The following MAN1A2 variants were observed in gnomAD, a reference collection of about 807,000 sequenced individuals.
MAN1A2 encodes mannosidase alpha class 1A member 2, also known as mannosyl-oligosaccharide 1,2-alpha-mannosidase IB.
In MAN1A2, 26 loss-of-function variants were observed where a neutral mutation model predicts 75.7. The observed-to-expected ratio is 0.34, with a 90% CI of 0.25 to 0.48. MAN1A2 has a LOEUF of 0.48. Among genes scored for constraint, MAN1A2 ranks in the 20% least tolerant of loss-of-function variants. The pLI, the probability that MAN1A2 is intolerant of heterozygous loss-of-function variation, is 0.99. For synonymous variants in MAN1A2, 247 were observed against 264.6 expected (o/e 0.93, Z 0.65); for missense variants, 562 against 775.5 (o/e 0.72, Z 3.27).
In MAN1A2 at chr1:117,368,383, A is replaced by G. The variant is rs1284743038; in HGVS notation, c.200A>G (p.Asp67Gly). The G allele has an allele frequency of 6.2e-7, 1 of 1,613,928 alleles. No individual in the cohort carries two copies. Among genetic ancestry groups the G allele is most frequent in the South Asian group, 1.1e-5 (1 of 91,070 alleles). Residue 67 changes from aspartate (D) to glycine (G), a missense_variant, in exon 1 of 13, where the codon GAT becomes GGT. Physicochemically the swap from Asp to Gly is moderately conservative, Grantham distance 94. Around this residue, in one of 2 missense-constraint regions of MAN1A2, gnomAD observed 128 missense variants for 129.8 expected, o/e 0.99. Transcript: ENST00000356554. The part of the protein sequence containing the change: ...LPDSSKHKRF[D>G]LGLEDVLIPH... ...GACTCTTCAAAACACAAACGCTTTG[A>G]TTTGGGTTTAGAAGATGTGTTAATT...
intron 8 of MAN1A2, among the ~76,000 whole-genome samples, chr1:117,469,650 C>T (rs937480504): frequency 1.3e-5 from 2 of 151,896 alleles, no homozygotes; most frequent in African/African-American, 2.4e-5. Flanking sequence ...CAACAGAAGG[C>T]GAATCACCAA....
At chr1:117,377,624 A>G (rs1653196347) in intron 1 of MAN1A2, among the ~76,000 whole-genome samples, 1 of 152,198 alleles carries the variant, frequency 6.6e-6, no homozygotes, top group Non-Finnish European at 1.5e-5. Flanking sequence ...GTCTGTCAGC[A>G]GGGTATTAGT....
chr1:117,397,807 A>C (rs1464725946), intron 1 of MAN1A2, among the ~76,000 whole-genome samples: 1 of 151,710 alleles, frequency 6.6e-6, no homozygotes, highest in Non-Finnish European at 1.5e-5. Context: ...ACCTACCACC[A>C]TGCCCAGCTA....
chr1:117,377,597 T>C (rs1361931203), intron 1 of MAN1A2, among the ~76,000 whole-genome samples: 1 of 152,176 alleles, frequency 6.6e-6, no homozygotes, highest in African/African-American at 2.4e-5. Flanking sequence ...ACATGACATA[T>C]TGTAAGTGAC....
chr1:117,493,033 G>A, intron 8 of MAN1A2, 114 bp from the exon 9 acceptor site: 1 of 619,532 alleles, frequency 1.6e-6, no homozygotes, highest in Non-Finnish European at 2.9e-6. Flanking sequence ...GGTTGTCAAT[G>A]TAATTTTAAA....
chr1:117,523,145 C>G lies in MAN1A2; in HGVS notation c.*188C>G, dbSNP rs903672728. ...GAAATTATTCCATTTTATACCTGAC[C>G]AAAACATGTTCTGATATGTGTAGGA... On this transcript the variant is annotated 3_prime_UTR_variant, in exon 13 of 13. Transcript: ENST00000356554. 1 of 702,988 alleles carries G rather than the reference C, an allele frequency of 1.4e-6. No homozygotes were observed. Among genetic ancestry groups the G allele is most frequent in the South Asian group, 1.6e-5 (1 of 64,482 alleles). The allele number at this position is 702,988 out of a possible 1,614,324, so 43.5% of individuals were successfully genotyped here.
intron 1 of MAN1A2, among the ~76,000 whole-genome samples, chr1:117,386,496 C>T (rs931859634): frequency 6.6e-6 from 1 of 152,106 alleles, no homozygotes; most frequent in Non-Finnish European, 1.5e-5. Context: ...TTATCCTCCT[C>T]ATAATGCCAG....
At chr1:117,513,524 A>G (rs1570804426) in intron 12 of MAN1A2, among the ~76,000 whole-genome samples, 1 of 152,228 alleles carries the variant, frequency 6.6e-6, no homozygotes, top group East Asian at 1.9e-4. Context: ...GGAATCAGAA[A>G]AAAAGAATTG....
intron 6 of MAN1A2, among the ~76,000 whole-genome samples, chr1:117,454,500 C>T (rs202198470): frequency 6.6e-6 from 1 of 152,184 alleles, no homozygotes; most frequent in East Asian, 1.9e-4. Flanking sequence ...AAGTCGATCT[C>T]AAATTCTATA....
intron 8 of MAN1A2, among the ~76,000 whole-genome samples, chr1:117,477,233 C>A (rs1650342741): frequency 6.6e-6 from 1 of 151,940 alleles, no homozygotes; most frequent in Non-Finnish European, 1.5e-5. Context: ...ACCATTCCTT[C>A]TGAAACTAAT....
intron 8 of MAN1A2, among the ~76,000 whole-genome samples, chr1:117,484,921 G>A (rs768889539): frequency 2.6e-5 from 4 of 151,736 alleles, no homozygotes; most frequent in Non-Finnish European, 5.9e-5. Context: ...TTGTCTATAT[G>A]TTTTTCCACA....
chr1:117,415,439 C>T (rs1488606015), intron 4 of MAN1A2, among the ~76,000 whole-genome samples: 1 of 152,116 alleles, frequency 6.6e-6, no homozygotes, highest in Non-Finnish European at 1.5e-5. Flanking sequence ...ATGTACTTCT[C>T]TCTGGCAGAC....
At chr1:117,520,026 A>G (rs1013398052) in intron 12 of MAN1A2, among the ~76,000 whole-genome samples, 1 of 152,154 alleles carries the variant, frequency 6.6e-6, no homozygotes, top group Admixed American at 6.6e-5. Context: ...GGTTTAACAT[A>G]TGCAAGTCAA....
At chr1:117,407,408 A>C (rs925328887) in intron 3 of MAN1A2, among the ~76,000 whole-genome samples, 1 of 152,102 alleles carries the variant, frequency 6.6e-6, no homozygotes, top group African/African-American at 2.4e-5. Flanking sequence ...TTTTAAAAAA[A>C]CAGTAAAAGT....
chr1:117,490,402 T>C (rs756210764), intron 8 of MAN1A2, among the ~76,000 whole-genome samples: 5 of 152,092 alleles, frequency 3.3e-5, no homozygotes, highest in Non-Finnish European at 4.4e-5. Context: ...TTATTGTGTT[T>C]GTTTTGGGCA....
At chr1:117,373,990 A>C (rs971844062) in intron 1 of MAN1A2, among the ~76,000 whole-genome samples, 1 of 152,114 alleles carries the variant, frequency 6.6e-6, no homozygotes, top group Non-Finnish European at 1.5e-5. Context: ...CAGCCAATTT[A>C]TTTTTAACTG....
chr1:117,460,810 G>C (rs1649793774), intron 7 of MAN1A2, among the ~76,000 whole-genome samples, 198 bp downstream of exon 7: 1 of 152,114 alleles, frequency 6.6e-6, no homozygotes, highest in Non-Finnish European at 1.5e-5. Context: ...ATTGTTATTT[G>C]AGAAGTTATA....
At chr1:117,490,555 G>A (rs551471372) in intron 8 of MAN1A2, among the ~76,000 whole-genome samples, 13 of 152,122 alleles carry the variant, frequency 8.5e-5, no homozygotes, top group African/African-American at 2.9e-4. Flanking sequence ...TATAAGGCCA[G>A]TTAATAACCC....
intron 6 of MAN1A2, among the ~76,000 whole-genome samples, chr1:117,445,426 T>C (rs1177814404): frequency 6.6e-6 from 1 of 152,206 alleles, no homozygotes; most frequent in African/African-American, 2.4e-5. Flanking sequence ...GTTACTTCTT[T>C]CTTAACTGTT....
Sources: gnomAD v4.1 joint callset for allele counts (sites outside exome capture counted in the v4.1 genomes callset) on GRCh38, gnomAD v4.1.1 for gene constraint, gnomAD v4.1.1 regional missense constraint, MANE v1.5 for transcripts, NCBI Gene and HGNC (gene_info 2026-07-23, HGNC 2026-07-21) for gene names.